Variants in KIF13A observed in about 807,000 individuals in gnomAD.
The protein encoded by KIF13A is kinesin family member 13A.
Under a neutral mutation model 212.2 loss-of-function variants are expected in KIF13A, and 79 were observed. That is an observed-to-expected ratio of 0.37 (90% CI 0.31 to 0.45). The LOEUF is 0.45. Among genes scored for constraint, KIF13A ranks in the 20% least tolerant of loss-of-function variants. KIF13A has a pLI of 1.00. For missense variants in KIF13A, 1,901 were observed against 2,209.0 expected (o/e 0.86, Z 2.79); for synonymous variants, 789 against 808.6 (o/e 0.98, Z 0.41).
intron 16 of KIF13A, among the ~76,000 whole-genome samples, chr6:17,819,060 C>T (rs1172873646): frequency 1.4e-5 from 2 of 141,352 alleles, no homozygotes; most frequent in Non-Finnish European, 3.0e-5. Flanking sequence ...AGTGCAGTGG[C>T]GCGATCTCGG....
intron 2 of KIF13A, among the ~76,000 whole-genome samples, chr6:17,977,114 C>CAAAAAAAAAAA (rs398000718): frequency 3.8e-5 from 4 of 106,662 alleles, no homozygotes; most frequent in Admixed American, 1.1e-4. Flanking sequence ...AAAACAACAA[C>CAAAAAAAAAAA]AAAAAAAAAA....
intron 4 of KIF13A, among the ~76,000 whole-genome samples, chr6:17,864,607 C>T (rs949264501): frequency 6.6e-6 from 1 of 152,174 alleles, no homozygotes; most frequent in Non-Finnish European, 1.5e-5. Context: ...CCTCCTGTTT[C>T]AGCCTCCTGA....
At chr6:17,819,399 C>T (rs1764238756) in intron 16 of KIF13A, among the ~76,000 whole-genome samples, 1 of 151,786 alleles carries the variant, frequency 6.6e-6, no homozygotes, top group Non-Finnish European at 1.5e-5. Flanking sequence ...CCTATCTCTA[C>T]TAAAAACACA....
intron 20 of KIF13A, among the ~76,000 whole-genome samples, chr6:17,801,345 T>TA (rs1259122163): frequency 2.0e-5 from 3 of 148,650 alleles, no homozygotes; most frequent in Admixed American, 1.3e-4. Flanking sequence ...TACAAATAAT[T>TA]AAAAAAAAAA....
rs191961373 is a variant in KIF13A, at chr6:17,866,266, C to A, written c.220+7111G>T. Reference sequence around the variant, plus strand: ...TATTTGAGGCGAGGTTAAAACAAAGCCCAAACCAAATATAAGGATCCTAGA... The same window carrying A: ...TATTTGAGGCGAGGTTAAAACAAAGACCAAACCAAATATAAGGATCCTAGA... On this transcript the variant is annotated intron_variant, in intron 4 of 38. Coordinates refer to ENST00000259711, the MANE Select transcript of KIF13A (RefSeq NM_022113.6). 1.2e-4 allele frequency among the ~76,000 whole-genome samples: 18 copies of A among 152,196 alleles called. No homozygotes were observed. In the East Asian group the frequency reaches 3.1e-3, roughly 26 times the overall value.
At chr6:17,846,338 A>T (rs867580631) in intron 9 of KIF13A, among the ~76,000 whole-genome samples, 1 of 152,074 alleles carries the variant, frequency 6.6e-6, no homozygotes, top group African/African-American at 2.4e-5. Context: ...CTTTAAAAAG[A>T]GATAAAAATA....
intron 33 of KIF13A, 60 bp downstream of exon 33, chr6:17,778,887 C>T: frequency 6.5e-7 from 1 of 1,529,616 alleles, no homozygotes. Context: ...AAATTCATAT[C>T]TGTCCATTGG....
chr6:17,824,846 G>T (rs1371723576), intron 16 of KIF13A, among the ~76,000 whole-genome samples: 1 of 151,832 alleles, frequency 6.6e-6, no homozygotes, highest in Non-Finnish European at 1.5e-5. Context: ...GGCCCTCAGG[G>T]CCCTGGAGGT....
chr6:17,824,329 A>G (rs1764742606), intron 16 of KIF13A, among the ~76,000 whole-genome samples: 1 of 152,242 alleles, frequency 6.6e-6, no homozygotes, highest in Admixed American at 6.5e-5. Flanking sequence ...GATATGCCAG[A>G]GATCTGATAA....
At chr6:17,814,762 A>G (rs2150352040) in intron 17 of KIF13A, among the ~76,000 whole-genome samples, 1 of 152,340 alleles carries the variant, frequency 6.6e-6, no homozygotes, top group East Asian at 1.9e-4. Context: ...TATGGCAAGA[A>G]CACAACTGAA....
In KIF13A at chr6:17,799,164, A is replaced by G; in HGVS notation, c.2790+102T>C. On this transcript the variant is annotated intron_variant, in intron 22 of 38. Coordinates refer to ENST00000259711, the MANE Select transcript of KIF13A (RefSeq NM_022113.6). The surrounding 1 kb of genome is among the most constrained non-coding windows in gnomAD (Gnocchi z 4.4). ...TTTTTGAGGTTAAAACATCTAATAA[A>G]CATATTATACTTAAAACAAATGCTT... 2 of 690,144 alleles carry G rather than the reference A, an allele frequency of 2.9e-6. No individual in the cohort carries two copies. The highest frequency in any genetic ancestry group is 4.3e-6 in the Non-Finnish European group (2 of 465,424). The allele number at this position is 690,144 out of a possible 1,614,324, so 42.8% of individuals were successfully genotyped here. A position where few individuals can be genotyped will look rare whatever the true frequency, so the allele number is the denominator to read the frequency against.
chr6:17,796,182 T>TA (rs1491432821), intron 23 of KIF13A, among the ~76,000 whole-genome samples: 1 of 88,908 alleles, frequency 1.1e-5, no homozygotes, highest in Non-Finnish European at 2.7e-5. Context: ...GCCTGTATTC[T>TA]TTTTTTTTTT....
At position 17,951,423 on chromosome 6, in the gene KIF13A, G is replaced by A; in HGVS notation, c.146+35631C>T. 1 of 557,232 alleles carries A rather than the reference G, an allele frequency of 1.8e-6. No homozygotes were observed. The highest frequency in any genetic ancestry group is 3.2e-6 in the Non-Finnish European group (1 of 314,424). 34.5% of individuals were successfully genotyped at this position (557,232 alleles called of 1,614,324 possible). ...TGGAATTAGAGATGTGAGCCACTGT[G>A]ACCAGCCTCAATTTAAAAAAAAAAA... is the stretch of plus-strand genomic sequence containing the variant. On this transcript the variant is annotated intron_variant, in intron 2 of 38. Transcript: ENST00000259711. This position sits in a 1 kb window ranked among gnomAD's most constrained non-coding sequence, Gnocchi z 4.9.
chr6:17,975,202 A>C (rs1780227196), intron 2 of KIF13A, among the ~76,000 whole-genome samples: 1 of 152,176 alleles, frequency 6.6e-6, no homozygotes, highest in Admixed American at 6.5e-5. Context: ...AAATAAAAAA[A>C]AACTAGCAGG....
At position 17,783,784 on chromosome 6, in the gene KIF13A, A is replaced by C; in HGVS notation, c.3489-83T>G. The C allele has an allele frequency of 5.6e-6, 5 of 900,540 alleles. No homozygotes were observed. The highest frequency in any genetic ancestry group is 4.2e-5 in the South Asian group (3 of 70,956). The allele number at this position is 900,540 out of a possible 1,614,324, so 55.8% of individuals were successfully genotyped here. A position where few individuals can be genotyped will look rare whatever the true frequency, so the allele number is the denominator to read the frequency against. ...TGATAAAACACCACAGAGCTGTGGA[A>C]GCAAAGAGAACCATGGTGGAGATGC... On this transcript the variant is annotated intron_variant, in intron 28 of 38. Coordinates refer to ENST00000259711, the MANE Select transcript of KIF13A (RefSeq NM_022113.6). This position sits in a 1 kb window ranked among gnomAD's most constrained non-coding sequence, Gnocchi z 4.3.
chr6:17,839,220 A>G lies in KIF13A; in HGVS notation c.831-1637T>C, dbSNP rs1043000544. Among the ~76,000 whole-genome samples, 10 of 152,258 alleles carry G rather than the reference A, an allele frequency of 6.6e-5. No individual in the cohort carries two copies. Among genetic ancestry groups the G allele is most frequent in the Non-Finnish European group, 1.0e-4 (7 of 68,042 alleles). On this transcript the variant is annotated intron_variant, in intron 9 of 38. Transcript: ENST00000259711. This position sits in a 1 kb window ranked among gnomAD's most constrained non-coding sequence, Gnocchi z 4.3. Reference sequence around the variant, plus strand: ...CCACTGCACAATCTGTGCCTGTAACAAAATTGCACTTGTACCCCATACATT... The same window carrying G: ...CCACTGCACAATCTGTGCCTGTAACGAAATTGCACTTGTACCCCATACATT...
intron 16 of KIF13A, among the ~76,000 whole-genome samples, chr6:17,823,899 GGC>G (rs1335077203): frequency 6.6e-6 from 1 of 150,520 alleles, no homozygotes; most frequent in African/African-American, 2.5e-5. Flanking sequence ...CACCATGCCT[GGC>G]GTTTAATTTA....
intron 34 of KIF13A, among the ~76,000 whole-genome samples, chr6:17,775,362 T>C (rs1279116766): frequency 6.6e-6 from 1 of 152,224 alleles, no homozygotes; most frequent in Non-Finnish European, 1.5e-5. Flanking sequence ...TAGTCAAGTA[T>C]TGATATGTGT....
At chr6:17,878,431 CTTT>C in intron 3 of KIF13A, among the ~76,000 whole-genome samples, 1 of 139,872 alleles carries the variant, frequency 7.1e-6, no homozygotes, top group African/African-American at 2.7e-5. Flanking sequence ...CTACCTCTAA[CTTT>C]TTTTTTTTTT....
Sources: gnomAD v4.1 joint callset for allele counts (sites outside exome capture counted in the v4.1 genomes callset) on GRCh38, gnomAD v4.1.1 for gene constraint, Gnocchi (gnomAD v3.1) non-coding constraint, MANE v1.5 for transcripts, NCBI Gene and HGNC (gene_info 2026-07-23, HGNC 2026-07-21) for gene names.